Variants in DELE1 observed in about 807,000 individuals in gnomAD.
The protein encoded by DELE1 is death ligand signal enhancer.
Under a neutral mutation model 59.3 loss-of-function variants are expected in DELE1, and 54 were observed. The ratio of observed to expected loss-of-function variants is 0.91; its 90% CI spans 0.73 to 1.14. The LOEUF is 1.14. Ranked by LOEUF, DELE1 falls within the 50% of genes most tolerant of loss-of-function variation. DELE1 has a pLI of 0.00. For synonymous variants in DELE1, 264 were observed against 259.1 expected (o/e 1.02, Z -0.18); for missense variants, 636 against 643.9 (o/e 0.99, Z 0.13).
Position 141,930,186 on chromosome 5 carries a change from T to A in DELE1, c.666T>A (p.Asp222Glu). ...QPQPTGEKEQ[D>E]KSKTLSLEEA... is the part of the protein sequence containing the mutation. ...TTATATTTCTTTCCCAGGAACAAGA[T>A]AAATCAAAAACTCTTTCCCTTGAGG... The change falls in exon 7 of 12, where the codon GAT becomes GAA. Residue 222 changes from aspartate (D) to glutamate (E), a missense_variant. Transcript: ENST00000432126. The A allele has an allele frequency of 6.2e-7, 1 of 1,613,328 alleles. No individual in the cohort carries two copies. Among genetic ancestry groups the A allele is most frequent in the Non-Finnish European group, 8.5e-7 (1 of 1,179,342 alleles).
chr5:141,925,527 G>A lies in DELE1; in HGVS notation c.264G>A (p.Trp88Ter). 1.3e-6 allele frequency: 2 copies of A among 1,577,248 alleles called. No individual in the cohort carries two copies. Among genetic ancestry groups the A allele is most frequent in the Non-Finnish European group, 1.7e-6 (2 of 1,159,422 alleles). ...ACACCCTATGGGATGCCATATCTTG[G>A]GTAAGGCTTCCCCAGCCTGGTCCTT... The part of the protein sequence containing the change: ...SPNTLWDAIS[W>*]GTLAVLALQL... Residue 88 changes from tryptophan (W) to a stop codon, truncating the protein, a stop_gained and splice_region_variant, in exon 3 of 12, where the codon TGG becomes TGA. Coordinates refer to ENST00000432126, the MANE Select transcript of DELE1 (RefSeq NM_014773.5). LOFTEE classifies it high-confidence loss of function.
chr5:141,939,226 T>C lies in DELE1; in HGVS notation c.*467T>C. 3 of 613,702 alleles carry C rather than the reference T, an allele frequency of 4.9e-6. No homozygotes were observed. The highest frequency in any genetic ancestry group is 6.1e-6 in the Non-Finnish European group (3 of 490,938). 38.0% of individuals were successfully genotyped at this position (613,702 alleles called of 1,614,324 possible). On this transcript the variant is annotated 3_prime_UTR_variant, in exon 12 of 12. Transcript: ENST00000432126. ...TCTATTTAGTTATATATTTAATGTATAATATAAAAATATGATTAGCATATT... is the reference window on the plus strand; with the variant it reads ...TCTATTTAGTTATATATTTAATGTACAATATAAAAATATGATTAGCATATT...
rs879212285 is a variant in DELE1 at position 141,940,293 on chromosome 5, G to GA, written c.*1543dup. ...AAGCTTCTCCAGGAGAGAGACTTAG[G>GA]AAAAAAAAAGATTTCTGAGTCAGTG... On this transcript the variant is annotated 3_prime_UTR_variant, in exon 12 of 12. Coordinates refer to ENST00000432126, the MANE Select transcript of DELE1 (RefSeq NM_014773.5). 307 of 980,994 alleles carry GA rather than the reference G, an allele frequency of 3.1e-4. 5 individuals are homozygous for GA. In the South Asian group the frequency reaches 0.011, roughly 36 times the overall value. The allele number at this position is 980,994 out of a possible 1,614,324, so 60.8% of individuals were successfully genotyped here. A position where few individuals can be genotyped will look rare whatever the true frequency, so the allele number is the denominator to read the frequency against.
intron 10 of DELE1, chr5:141,936,966 C>T (rs1596620195): frequency 1.1e-5 from 15 of 1,361,010 alleles, no homozygotes; most frequent in Non-Finnish European, 1.4e-5. Context: ...CCACACTGCC[C>T]TGGCTGGAAT....
chr5:141,941,818 GTGAT>G lies in DELE1; in HGVS notation c.*3061_*3064del, dbSNP rs1752754966. On this transcript the variant is annotated 3_prime_UTR_variant, in exon 12 of 12. Coordinates refer to ENST00000432126, the MANE Select transcript of DELE1 (RefSeq NM_014773.5). Reference sequence around the variant, plus strand: ...AAATATACATTCAACAAATAAGTGAGTGATTATACTCAACTCCCCCCACCCAATG... The same window carrying G: ...AAATATACATTCAACAAATAAGTGAGTATACTCAACTCCCCCCACCCAATG... 1.0e-6 allele frequency: 1 copy of G among 985,364 alleles called. No individual in the cohort carries two copies. The highest frequency in any genetic ancestry group is 1.2e-6 in the Non-Finnish European group (1 of 829,926). 61.0% of individuals were successfully genotyped at this position (985,364 alleles called of 1,614,324 possible). A position where few individuals can be genotyped will look rare whatever the true frequency, so the allele number is the denominator to read the frequency against.
chr5:141,929,811 G>A (rs1256824057), intron 5 of DELE1, 71 bp downstream of exon 5: 5 of 1,584,536 alleles, frequency 3.2e-6, no homozygotes, highest in Non-Finnish European at 4.3e-6. Flanking sequence ...GATGGACGTT[G>A]TTTGCTGCGA....
chr5:141,934,913 T>C lies in DELE1; in HGVS notation c.1149+327T>C, dbSNP rs1752239466. 2.2e-5 allele frequency: 7 copies of C among 324,426 alleles called. No homozygotes were observed. The South Asian group carries it at 2.9e-4, about 14-fold the overall frequency. The allele number at this position is 324,426 out of a possible 1,614,324, so 20.1% of individuals were successfully genotyped here. A position where few individuals can be genotyped will look rare whatever the true frequency, so the allele number is the denominator to read the frequency against. On this transcript the variant is annotated intron_variant, in intron 10 of 11. Coordinates refer to ENST00000432126, the MANE Select transcript of DELE1 (RefSeq NM_014773.5). ...AGTTGTTCAACATTTACCAGCACAC[T>C]ACTGGGCCTGGTCACTTCTTGATTC...
At chr5:141,924,443 G>A in intron 1 of DELE1, 138 bp from the exon 2 acceptor site, 2 of 637,596 alleles carry the variant, frequency 3.1e-6, no homozygotes, top group Admixed American at 2.7e-5. Flanking sequence ...TAGTTTATTG[G>A]TTCTGGGGTA....
chr5:141,937,060 TG>T (rs1752417204), intron 10 of DELE1, 137 bp from the exon 11 acceptor site: 2 of 1,511,802 alleles, frequency 1.3e-6, no homozygotes, highest in African/African-American at 2.8e-5. Flanking sequence ...TCCCTTGCTA[TG>T]GGGCGGGCCA....
chr5:141,934,914 A>G (rs1752239683), intron 10 of DELE1: 1 of 322,628 alleles, frequency 3.1e-6, no homozygotes, highest in Non-Finnish European at 5.8e-6. Flanking sequence ...CCAGCACACT[A>G]CTGGGCCTGG....
rs1436509753 is a variant in DELE1 at position 141,934,687 on chromosome 5, A to G, written c.1149+101A>G. On this transcript the variant is annotated intron_variant, in intron 10 of 11. Transcript: ENST00000432126. Reference sequence around the variant, plus strand: ...TCTTCTGTGCTTAGGAGATTGTTGGATAGGAGCCTTGGCCTGGCTTCAAGC... The same window carrying G: ...TCTTCTGTGCTTAGGAGATTGTTGGGTAGGAGCCTTGGCCTGGCTTCAAGC... 2.6e-6 allele frequency: 3 copies of G among 1,161,878 alleles called. No homozygotes were observed. In the East Asian group the frequency reaches 7.1e-5, roughly 27 times the overall value. 72.0% of individuals were successfully genotyped at this position (1,161,878 alleles called of 1,614,324 possible).
In DELE1 at chr5:141,930,054, C is replaced by T; in HGVS notation, c.637C>T (p.Pro213Ser). The T allele has an allele frequency of 6.2e-7, 1 of 1,614,202 alleles. No homozygotes were observed. Among genetic ancestry groups the T allele is most frequent in the South Asian group, 1.1e-5 (1 of 91,086 alleles). The change falls in exon 6 of 12, where the codon CCT becomes TCT. Residue 213 changes from proline to serine, a missense_variant. Physicochemically the swap from Pro to Ser is moderately conservative, Grantham distance 74. Coordinates refer to ENST00000432126, the MANE Select transcript of DELE1 (RefSeq NM_014773.5). ...CGAGTCCGAGGCAAAACCAGCCCAG[C>T]CTCAGCCCACTGGTGAAAAGGTATT... ...SIESEAKPAQPQPTGEKEQDK... is the reference protein window; with the variant it reads ...SIESEAKPAQSQPTGEKEQDK...
At chr5:141,930,120 G>C (rs757304984) in intron 6 of DELE1, 46 bp downstream of exon 6, 1 of 1,606,052 alleles carries the variant, frequency 6.2e-7, no homozygotes, top group East Asian at 2.2e-5. Flanking sequence ...CATTCTCTTG[G>C]GCAGGTGGCA....
chr5:141,930,478 G>A (rs868039704), intron 7 of DELE1, among the ~76,000 whole-genome samples: 2 of 152,186 alleles, frequency 1.3e-5, no homozygotes, highest in South Asian at 2.1e-4. Context: ...ATCTTGAGGC[G>A]CAGTTTGGCA....
At chr5:141,936,083 C>T (rs1752329166) in intron 10 of DELE1, among the ~76,000 whole-genome samples, 3 of 152,132 alleles carry the variant, frequency 2.0e-5, no homozygotes, top group South Asian at 4.2e-4. Context: ...GGTTGAGAGT[C>T]AATAGTGTTT....
intron 7 of DELE1, among the ~76,000 whole-genome samples, chr5:141,932,711 A>G (rs1252182670): frequency 1.3e-5 from 2 of 152,170 alleles, no homozygotes; most frequent in Non-Finnish European, 2.9e-5. Flanking sequence ...GGAAATCTAG[A>G]TGCTACTACC....
Position 141,940,410 on chromosome 5 carries a change from G to T in DELE1, c.*1651G>T. ...AATAGCATAGATGTGGTTGAGAGTGGGGTCTGGGAGGGATAGAGAGCCCAC... is the reference window on the plus strand; with the variant it reads ...AATAGCATAGATGTGGTTGAGAGTGTGGTCTGGGAGGGATAGAGAGCCCAC... On this transcript the variant is annotated 3_prime_UTR_variant, in exon 12 of 12. Transcript: ENST00000432126. The T allele has an allele frequency of 1.0e-6, 1 of 967,014 alleles. No individual in the cohort carries two copies. The highest frequency in any genetic ancestry group is 1.2e-6 in the Non-Finnish European group (1 of 826,770). The allele number at this position is 967,014 out of a possible 1,614,324, so 59.9% of individuals were successfully genotyped here.
rs1003478551 is a variant in DELE1, at chr5:141,923,881, G to T, written c.-61G>T. The T allele has an allele frequency of 5.1e-6, 8 of 1,562,338 alleles. No individual in the cohort carries two copies. The highest frequency in any genetic ancestry group is 6.9e-6 in the Non-Finnish European group (8 of 1,152,774). ...GGGCATCGCGGCGGCCTTTCTAGCC[G>T]CTGTCCCAAGGGTTGGTCTCGCGCT... On this transcript the variant is annotated 5_prime_UTR_variant, in exon 1 of 12. Transcript: ENST00000432126.
intron 3 of DELE1, among the ~76,000 whole-genome samples, chr5:141,927,690 T>C (rs765200236): frequency 2.6e-5 from 4 of 152,182 alleles, no homozygotes; most frequent in Non-Finnish European, 4.4e-5. Context: ...GGAGGGGTTG[T>C]GCAAGACTGG....
Sources: gnomAD v4.1 joint callset for allele counts (sites outside exome capture counted in the v4.1 genomes callset) on GRCh38, gnomAD v4.1.1 for gene constraint, MANE v1.5 for transcripts, NCBI Gene and HGNC (gene_info 2026-07-23, HGNC 2026-07-21) for gene names.